POLR3H: variants seen among roughly 807,000 people sequenced by gnomAD.
POLR3H encodes the protein DNA-directed RNA polymerase III subunit RPC8.
POLR3H carries 17 observed loss-of-function variants against 25.5 expected under a neutral mutation model. The observed-to-expected ratio is 0.67, with a 90% CI of 0.46 to 1.00. The LOEUF is 1.00. Among genes scored for constraint, POLR3H ranks in the 50% least tolerant of loss-of-function variants. The pLI is 0.00. For synonymous variants in POLR3H, 129 were observed against 103.0 expected, an observed-to-expected ratio of 1.25 and a Z score of -1.53; for missense variants, 274 against 265.0, an observed-to-expected ratio of 1.03 and a Z score of -0.24.
At chr22:41,542,319 G>A (rs1224068529) in intron 1 of POLR3H, among the ~76,000 whole-genome samples, 1 of 151,902 alleles carries the variant, frequency 6.6e-6, no homozygotes, top group Non-Finnish European at 1.5e-5. Context: ...CCTGACCTTG[G>A]GTGATCCACC....
rs1240060304 is a variant in POLR3H, at chr22:41,529,144, C to A, written c.*139G>T. ...CTAGATGGTGGAGGAGCGGGGCAAG[C>A]TGGTGGGCACTCCTGGCCTTGCCTC... On this transcript the variant is annotated 3_prime_UTR_variant, in exon 6 of 6. Coordinates refer to ENST00000355209, the MANE Select transcript of POLR3H (RefSeq NM_001018050.4). The A allele has an allele frequency of 3.2e-5, 22 of 687,226 alleles. No individual in the cohort carries two copies. The highest frequency in any genetic ancestry group is 3.7e-5 in the Non-Finnish European group (15 of 405,758). The allele number at this position is 687,226 out of a possible 1,614,324, so 42.6% of individuals were successfully genotyped here.
At chr22:41,534,936 T>C (rs920664810) in intron 2 of POLR3H, among the ~76,000 whole-genome samples, 13 of 151,294 alleles carry the variant, frequency 8.6e-5, no homozygotes, top group African/African-American at 2.9e-4. Flanking sequence ...ATAGTGGTGA[T>C]GGCTTAGCTG....
chr22:41,537,657 G>A (rs1200046707), intron 2 of POLR3H, among the ~76,000 whole-genome samples: 1 of 152,198 alleles, frequency 6.6e-6, no homozygotes, highest in Non-Finnish European at 1.5e-5. Flanking sequence ...CCATCCAGGA[G>A]ACCAGAGCCA....
Position 41,532,647 on chromosome 22 carries a change from G to T in POLR3H, c.295+12C>A, listed in dbSNP as rs938206948. On this transcript the variant is annotated intron_variant, in intron 3 of 5. Transcript: ENST00000355209. ...TCCCAAGTCTTGTCTGAGGCGTCAG[G>T]GCCACTGTTACCGTGCACTCCTTCT... The T allele has an allele frequency of 9.9e-6, 16 of 1,613,858 alleles. No homozygotes were observed. The African/African-American group carries it at 1.7e-4, about 18-fold the overall frequency.
rs1205633853 is a variant in POLR3H at position 41,528,088 on chromosome 22, C to CTG, written c.*1193_*1194dup. Reference sequence around the variant, plus strand: ...CAGCCACCTTGTTTCCCCTCCTGCACTGGCCCCAGGGTAGCTTCTCCCAGG... The same window carrying CTG: ...CAGCCACCTTGTTTCCCCTCCTGCACTGTGGCCCCAGGGTAGCTTCTCCCAGG... On this transcript the variant is annotated 3_prime_UTR_variant, in exon 6 of 6. Transcript: ENST00000355209. 1 of 1,607,610 alleles carries CTG rather than the reference C, an allele frequency of 6.2e-7. No individual in the cohort carries two copies. Among genetic ancestry groups the CTG allele is most frequent in the Admixed American group, 1.7e-5 (1 of 59,576 alleles).
rs746345863 is a variant in POLR3H at position 41,530,705 on chromosome 22, C to A, written c.543G>T (p.Glu181Asp). The A allele has an allele frequency of 2.1e-5, 34 of 1,613,282 alleles. No individual in the cohort carries two copies. The East Asian group carries it at 5.1e-4, about 24-fold the overall frequency. The change falls in exon 5 of 6, where the codon GAG becomes GAT. Residue 181 changes from glutamate (E) to aspartate (D), a missense_variant. Physicochemically the swap from Glu to Asp is conservative, Grantham distance 45. Coordinates refer to ENST00000355209, the MANE Select transcript of POLR3H (RefSeq NM_001018050.4). Reference protein sequence around the residue: ...TTSSEELPKKEAPYTLVGSIS... With the variant: ...TTSSEELPKKDAPYTLVGSIS... ...CACTCACCACAAGCGTGTACGGAGC[C>A]TCCTTCTTTGGCAGCTCCTCACTGG...
At position 41,526,672 on chromosome 22, in the gene POLR3H, G is replaced by A; in HGVS notation, c.*2611C>T. 1 of 512,446 alleles carries A rather than the reference G, an allele frequency of 2.0e-6. No homozygotes were observed. The highest frequency in any genetic ancestry group is 3.2e-5 in the South Asian group (1 of 31,148). The allele number at this position is 512,446 out of a possible 1,614,324, so 31.7% of individuals were successfully genotyped here. ...TACAGCCGGGTCCCTGCACCAGGAG[G>A]AGTTAGTGAGAGATATCTTAGGATA... On this transcript the variant is annotated 3_prime_UTR_variant, in exon 6 of 6. Coordinates refer to ENST00000355209, the MANE Select transcript of POLR3H (RefSeq NM_001018050.4).
chr22:41,544,082 A>G lies in POLR3H; in HGVS notation c.20T>C (p.Met7Thr). MFVLVE[M>T]VDTVRIPPWQ... The stretch of plus-strand genomic sequence containing the variant: ...AGGGGGGATCCGGACGGTGTCCACC[A>G]TTTCCACCAGGACGAACATCCCGGC... Residue 7 changes from methionine (M) to threonine (T), a missense_variant, in exon 1 of 6, where the codon ATG (methionine) becomes ACG (threonine). By Grantham distance (81) the Met-to-Thr change is moderately conservative. Transcript: ENST00000355209. 1 of 1,605,764 alleles carries G rather than the reference A, an allele frequency of 6.2e-7. No individual in the cohort carries two copies. Among genetic ancestry groups the G allele is most frequent in the Non-Finnish European group, 8.5e-7 (1 of 1,175,018 alleles).
rs2066711659 is a variant in POLR3H, at chr22:41,530,738, G to A, written c.510C>T (p.Ala170=). 6.2e-7 allele frequency: 1 copy of A among 1,613,814 alleles called. No homozygotes were observed. Among genetic ancestry groups the A allele is most frequent in the Non-Finnish European group, 8.5e-7 (1 of 1,180,052 alleles). The change falls in exon 5 of 6, where the codon GCC becomes GCT. Residue 170 remains alanine, a synonymous_variant. Transcript: ENST00000355209. ...TTGGCAGCTCCTCACTGGAAGTGGT[G>A]GCATCTGCTGAGCTGGGCCCTGTGG... The part of the protein sequence containing the change: ...TSPTGPSSAD[A]TTSSEELPKK...
At position 41,530,816 on chromosome 22, in the gene POLR3H, G is replaced by A. The variant is rs372437085; in HGVS notation, c.432C>T (p.Thr144=). 1.2e-5 allele frequency: 19 copies of A among 1,613,966 alleles called. 1 individual carries two copies. Among genetic ancestry groups the A allele is most frequent in the South Asian group, 6.6e-5 (6 of 91,090 alleles). Reference sequence around the variant, plus strand: ...CCACCCGGAAGCGGATCTCCTCGCCGGTGTCCATGTAGAGGTCGTGTGCTC... The same window carrying A: ...CCACCCGGAAGCGGATCTCCTCGCCAGTGTCCATGTAGAGGTCGTGTGCTC... ...EEGAHDLYMD[T]GEEIRFRVVD... The change falls in exon 5 of 6, where the codon ACC becomes ACT. Residue 144 remains threonine (T), a synonymous_variant. Coordinates refer to ENST00000355209, the MANE Select transcript of POLR3H (RefSeq NM_001018050.4).
intron 2 of POLR3H, 52 bp from the exon 3 acceptor site, chr22:41,532,797 C>T (rs1275474321): frequency 6.3e-7 from 1 of 1,586,198 alleles, no homozygotes; most frequent in Admixed American, 1.7e-5. Context: ...CCAGTGCGCT[C>T]CCATGTCACC....
At position 41,527,572 on chromosome 22, in the gene POLR3H, A is replaced by G. The variant is rs1024891855; in HGVS notation, c.*1711T>C. The stretch of plus-strand genomic sequence containing the variant: ...CTCTTGCCCCTTCTTAGGCTCACAC[A>G]GTGCACATCCGACGCTCAGCTTCCC... On this transcript the variant is annotated 3_prime_UTR_variant, in exon 6 of 6. Transcript: ENST00000355209. The G allele has an allele frequency of 5.4e-6, 6 of 1,109,552 alleles. No individual in the cohort carries two copies. Among genetic ancestry groups the G allele is most frequent in the Non-Finnish European group, 6.3e-6 (5 of 791,684 alleles). The allele number at this position is 1,109,552 out of a possible 1,614,324, so 68.7% of individuals were successfully genotyped here. A position where few individuals can be genotyped will look rare whatever the true frequency, so the allele number is the denominator to read the frequency against.
chr22:41,527,692 C>T lies in POLR3H; in HGVS notation c.*1591G>A, dbSNP rs898982274. ...GTTCTTTCTGATCATGAATGTGCAGCAGGAAGGCCTCGCAGACCTCAGCAC... is the reference window on the plus strand; with the variant it reads ...GTTCTTTCTGATCATGAATGTGCAGTAGGAAGGCCTCGCAGACCTCAGCAC... On this transcript the variant is annotated 3_prime_UTR_variant, in exon 6 of 6. Coordinates refer to ENST00000355209, the MANE Select transcript of POLR3H (RefSeq NM_001018050.4). 4 of 820,542 alleles carry T rather than the reference C, an allele frequency of 4.9e-6. No homozygotes were observed. The highest frequency in any genetic ancestry group is 7.5e-6 in the Non-Finnish European group (4 of 534,998). 50.8% of individuals were successfully genotyped at this position (820,542 alleles called of 1,614,324 possible). A position where few individuals can be genotyped will look rare whatever the true frequency, so the allele number is the denominator to read the frequency against.
chr22:41,527,069 A>C lies in POLR3H; in HGVS notation c.*2214T>G, dbSNP rs2066614685. 1 of 640,310 alleles carries C rather than the reference A, an allele frequency of 1.6e-6. No homozygotes were observed. The highest frequency in any genetic ancestry group is 2.7e-6 in the Non-Finnish European group (1 of 377,236). The allele number at this position is 640,310 out of a possible 1,614,324, so 39.7% of individuals were successfully genotyped here. ...GCTTCTGTCTTCTTTGCCACTGCAA[A>C]CAACCACGTGCCTCTGTCCCCTCGG... is the stretch of plus-strand genomic sequence containing the variant. On this transcript the variant is annotated 3_prime_UTR_variant, in exon 6 of 6. Transcript: ENST00000355209.
chr22:41,528,105 T>A lies in POLR3H; in HGVS notation c.*1178A>T. On this transcript the variant is annotated 3_prime_UTR_variant, in exon 6 of 6. Coordinates refer to ENST00000355209, the MANE Select transcript of POLR3H (RefSeq NM_001018050.4). The stretch of plus-strand genomic sequence containing the variant: ...CTCCTGCACTGGCCCCAGGGTAGCT[T>A]CTCCCAGGAGGCTTCATTCCAGCTG... 6.3e-7 allele frequency: 1 copy of A among 1,585,850 alleles called. No homozygotes were observed. The highest frequency in any genetic ancestry group is 8.6e-7 in the Non-Finnish European group (1 of 1,164,258).
intron 1 of POLR3H, among the ~76,000 whole-genome samples, chr22:41,543,366 A>C (rs560160529): frequency 1.1e-4 from 16 of 152,054 alleles, no homozygotes; most frequent in Non-Finnish European, 1.6e-4. Context: ...GATGGCGCAC[A>C]CCTGTAATCC....
chr22:41,526,227 G>T lies in POLR3H; in HGVS notation c.*3056C>A, dbSNP rs369914076. On this transcript the variant is annotated 3_prime_UTR_variant, in exon 6 of 6. Transcript: ENST00000355209. ...TTGTCATCCACCCCTCCAGGGCCATGCCCTGACCTCTGTCCTCTCTACTTA... is the reference window on the plus strand; with the variant it reads ...TTGTCATCCACCCCTCCAGGGCCATTCCCTGACCTCTGTCCTCTCTACTTA... The T allele has an allele frequency of 7.8e-4, 1,249 of 1,593,936 alleles. 23 individuals carry two copies. In the South Asian group the frequency reaches 0.013, roughly 17 times the overall value.
In POLR3H at chr22:41,525,854, A is replaced by T. The variant is rs1385923848; in HGVS notation, c.*3429T>A. On this transcript the variant is annotated 3_prime_UTR_variant, in exon 6 of 6. Transcript: ENST00000355209. ...TGTCAGATATTTATTTATGCTGCTT[A>T]TTAAGGGGTCTCCAGGCACCCCTGT... The T allele has an allele frequency of 5.0e-6, 1 of 199,322 alleles. No homozygotes were observed. The highest frequency in any genetic ancestry group is 1.0e-5 in the Non-Finnish European group (1 of 98,380). 12.3% of individuals were successfully genotyped at this position (199,322 alleles called of 1,614,324 possible).
chr22:41,542,847 AC>A, intron 1 of POLR3H, among the ~76,000 whole-genome samples: 1 of 152,262 alleles, frequency 6.6e-6, no homozygotes, highest in Middle Eastern at 3.4e-3. Flanking sequence ...TACTAAAAGT[AC>A]AAAAATTAGC....
Sources: gnomAD v4.1 joint callset for allele counts (sites outside exome capture counted in the v4.1 genomes callset) on GRCh38, gnomAD v4.1.1 for gene constraint, MANE v1.5 for transcripts, NCBI Gene and HGNC (gene_info 2026-07-23, HGNC 2026-07-21) for gene names.